The following KIF16B variants were observed in gnomAD, a reference collection of about 807,000 sequenced individuals.
KIF16B encodes kinesin family member 16B.
In KIF16B, 98 loss-of-function variants were observed where a neutral mutation model predicts 156.3. That is an observed-to-expected ratio of 0.63 (90% CI 0.53 to 0.74). The LOEUF is 0.74. Ranked by LOEUF, KIF16B falls within the 30% of genes least tolerant of loss-of-function variation. KIF16B has a pLI of 0.00. For synonymous variants in KIF16B, 564 were observed against 583.7 expected (o/e 0.97, Z 0.49); for missense variants, 1,421 against 1,606.5 (o/e 0.88, Z 1.97).
chr20:16,547,639 C>A (rs2070465797), intron 1 of KIF16B, among the ~76,000 whole-genome samples: 1 of 152,178 alleles, frequency 6.6e-6, no homozygotes, highest in Non-Finnish European at 1.5e-5. Flanking sequence ...TGCTCAGACA[C>A]AGAGAATGCT....
At chr20:16,447,958 A>C (rs1291888985) in intron 12 of KIF16B, among the ~76,000 whole-genome samples, 1 of 152,200 alleles carries the variant, frequency 6.6e-6, no homozygotes, top group Non-Finnish European at 1.5e-5. Context: ...CTTTAATAAC[A>C]AAACAAAACA....
chr20:16,483,657 T>C (rs944591559), intron 12 of KIF16B, among the ~76,000 whole-genome samples: 2 of 152,180 alleles, frequency 1.3e-5, no homozygotes, highest in Non-Finnish European at 2.9e-5. Flanking sequence ...GAACTACTAT[T>C]GTTGGCATCT....
intron 25 of KIF16B, among the ~76,000 whole-genome samples, chr20:16,306,843 C>T (rs1601536410): frequency 6.6e-6 from 1 of 152,068 alleles, no homozygotes; most frequent in Admixed American, 6.5e-5. Flanking sequence ...TACCAGATTC[C>T]GTGTTGTATA....
intron 17 of KIF16B, among the ~76,000 whole-genome samples, chr20:16,383,960 C>T (rs764744146): frequency 6.6e-6 from 1 of 152,268 alleles, no homozygotes; most frequent in East Asian, 1.9e-4. Flanking sequence ...GCATGCCCTC[C>T]GTCACTTGTT....
chr20:16,447,041 G>A (rs1418400073), intron 12 of KIF16B, among the ~76,000 whole-genome samples: 2 of 152,242 alleles, frequency 1.3e-5, no homozygotes, highest in Admixed American at 6.5e-5. Flanking sequence ...TAAAATGACT[G>A]CTCCCTTGGA....
chr20:16,492,470 T>G (rs1219177667), intron 12 of KIF16B, among the ~76,000 whole-genome samples: 1 of 152,200 alleles, frequency 6.6e-6, no homozygotes, highest in Non-Finnish European at 1.5e-5. Flanking sequence ...TCATAAAGTT[T>G]AACACCTAGC....
chr20:16,421,838 G>C (rs1032884693), intron 15 of KIF16B, among the ~76,000 whole-genome samples: 3 of 152,096 alleles, frequency 2.0e-5, no homozygotes, highest in Non-Finnish European at 4.4e-5. Flanking sequence ...TAGCACAGCA[G>C]AATGCCAGAG....
At position 16,504,686 on chromosome 20, in the gene KIF16B, G is replaced by A. The variant is rs970995794; in HGVS notation, c.1001-139C>T. The stretch of plus-strand genomic sequence containing the variant: ...TATTCATTGCCACAGTAATGAATAT[G>A]AAAAATTATCTAACATTTCTAGGAA... On this transcript the variant is annotated intron_variant, in intron 9 of 25. Coordinates refer to ENST00000354981, the MANE Select transcript of KIF16B (RefSeq NM_024704.5). 4.5e-5 allele frequency: 28 copies of A among 620,798 alleles called. 1 individual carries two copies. The highest frequency in any genetic ancestry group is 2.7e-5 in the East Asian group (1 of 36,604). 38.5% of individuals were successfully genotyped at this position (620,798 alleles called of 1,614,324 possible). A position where few individuals can be genotyped will look rare whatever the true frequency, so the allele number is the denominator to read the frequency against.
intron 25 of KIF16B, among the ~76,000 whole-genome samples, chr20:16,308,886 T>G (rs2063578491): frequency 6.6e-6 from 1 of 152,244 alleles, no homozygotes; most frequent in Non-Finnish European, 1.5e-5. Flanking sequence ...TACATTCTTT[T>G]CCTGTTACCT....
Position 16,504,564 on chromosome 20 carries a change from C to A in KIF16B, c.1001-17G>T. ...GTGAAATGGCTGTGAAGAATGTATT[C>A]AAAAAATAATTTATCCAGCACTCCA... On this transcript the variant is annotated splice_polypyrimidine_tract_variant and intron_variant, in intron 9 of 25. Coordinates refer to ENST00000354981, the MANE Select transcript of KIF16B (RefSeq NM_024704.5). 6.2e-7 allele frequency: 1 copy of A among 1,604,854 alleles called. No individual in the cohort carries two copies. Among genetic ancestry groups the A allele is most frequent in the Non-Finnish European group, 8.5e-7 (1 of 1,174,004 alleles).
chr20:16,321,982 T>C (rs2063778544), intron 24 of KIF16B, among the ~76,000 whole-genome samples: 1 of 151,998 alleles, frequency 6.6e-6, no homozygotes, highest in African/African-American at 2.4e-5. Flanking sequence ...TAGAGAATGC[T>C]GAAGGAGAGC....
chr20:16,411,201 G>A (rs576765987), intron 15 of KIF16B, among the ~76,000 whole-genome samples: 1 of 152,180 alleles, frequency 6.6e-6, no homozygotes, highest in African/African-American at 2.4e-5. Context: ...TTGTTTTCAT[G>A]ATCAGCTTCC....
chr20:16,552,548 C>T lies in KIF16B; in HGVS notation c.47+20681G>A, dbSNP rs149352871. Among the ~76,000 whole-genome samples the T allele has an allele frequency of 8.0e-4, 122 of 152,208 alleles. 1 individual carries two copies. The highest frequency in any genetic ancestry group is 2.8e-3 in the African/African-American group (117 of 41,530). ...TCCTGATGCCACAAGTCTGTTAGACCCAACCCCCCACCATGGGCTTCCACA... is the reference window on the plus strand; with the variant it reads ...TCCTGATGCCACAAGTCTGTTAGACTCAACCCCCCACCATGGGCTTCCACA... On this transcript the variant is annotated intron_variant, in intron 1 of 25. Transcript: ENST00000354981.
chr20:16,435,096 T>C (rs945757952), intron 12 of KIF16B, among the ~76,000 whole-genome samples: 1 of 152,236 alleles, frequency 6.6e-6, no homozygotes, highest in African/African-American at 2.4e-5. Context: ...CCATGTTTCT[T>C]TATTATTAAT....
At chr20:16,555,297 A>G (rs1172893838) in intron 1 of KIF16B, among the ~76,000 whole-genome samples, 2 of 152,226 alleles carry the variant, frequency 1.3e-5, no homozygotes, top group Non-Finnish European at 2.9e-5. Flanking sequence ...TCCTCACTGT[A>G]CAGAAGAGGA....
At chr20:16,470,924 C>T (rs540729727) in intron 12 of KIF16B, among the ~76,000 whole-genome samples, 3 of 152,098 alleles carry the variant, frequency 2.0e-5, no homozygotes, top group South Asian at 2.1e-4. Flanking sequence ...ACCTTCACTC[C>T]GTTCTCACCT....
At chr20:16,375,685 CAA>C (rs34135271) in intron 19 of KIF16B, among the ~76,000 whole-genome samples, 13 of 112,884 alleles carry the variant, frequency 1.2e-4, no homozygotes, top group African/African-American at 1.3e-4. Flanking sequence ...CATCAATGGC[CAA>C]AAAAAAAAAA....
At chr20:16,400,881 G>T (rs1415958172) in intron 17 of KIF16B, among the ~76,000 whole-genome samples, 1 of 152,170 alleles carries the variant, frequency 6.6e-6, no homozygotes, top group Non-Finnish European at 1.5e-5. Flanking sequence ...AATGAGTACA[G>T]AGTTTTAGTT....
intron 12 of KIF16B, among the ~76,000 whole-genome samples, chr20:16,450,538 C>T (rs1322064285): frequency 6.6e-6 from 1 of 152,212 alleles, no homozygotes; most frequent in Non-Finnish European, 1.5e-5. Flanking sequence ...CACCTCCCCA[C>T]CTGCCCCACA....
Sources: gnomAD v4.1 joint callset for allele counts (sites outside exome capture counted in the v4.1 genomes callset) on GRCh38, gnomAD v4.1.1 for gene constraint, MANE v1.5 for transcripts, NCBI Gene and HGNC (gene_info 2026-07-23, HGNC 2026-07-21) for gene names.